Variants in MSH3 observed in about 807,000 individuals in gnomAD.
MSH3 encodes the protein DNA mismatch repair protein Msh3.
MSH3 carries 106 observed loss-of-function variants against 123.3 expected under a neutral mutation model. That is an observed-to-expected ratio of 0.86 (90% CI 0.73 to 1.01). The LOEUF is 1.01. Among genes scored for constraint, MSH3 ranks in the 50% least tolerant of loss-of-function variants. The pLI is 0.00. For synonymous variants in MSH3, 515 were observed against 481.4 expected (o/e 1.07, Z -0.91); for missense variants, 1,459 against 1,347.6 (o/e 1.08, Z -1.29).
At chr5:80,707,663 T>G (rs558316613) in intron 8 of MSH3, among the ~76,000 whole-genome samples, 1 of 152,248 alleles carries the variant, frequency 6.6e-6, no homozygotes, top group Admixed American at 6.5e-5. Context: ...GCCCCCGAGG[T>G]TGAGGCTTCA....
chr5:80,867,727 C>A (rs1746130505), intron 22 of MSH3, among the ~76,000 whole-genome samples: 1 of 152,074 alleles, frequency 6.6e-6, no homozygotes, highest in Non-Finnish European at 1.5e-5. Flanking sequence ...TATATGTTGT[C>A]TTTTGAAAAG....
intron 20 of MSH3, among the ~76,000 whole-genome samples, chr5:80,840,768 C>A (rs187874811): frequency 6.6e-6 from 1 of 152,062 alleles, no homozygotes; most frequent in South Asian, 2.1e-4. Context: ...TAACAGGCCC[C>A]GGTGTGTGAT....
rs1248185011 is a variant in MSH3 at position 80,695,075 on chromosome 5, G to A, written c.1340+15982G>A. 3.4e-5 allele frequency among the ~76,000 whole-genome samples: 4 copies of A among 118,740 alleles called. No individual in the cohort carries two copies. In the East Asian group the frequency reaches 1.1e-3, roughly 32 times the overall value. 77.9% of individuals were successfully genotyped at this position (118,740 alleles called of 152,430 possible). ...CAAGGTTTTTGTTGTTGGTGGTGGT[G>A]TTTTTTTTGTTGTTTTTTTTTTTTT... is the stretch of plus-strand genomic sequence containing the variant. On this transcript the variant is annotated intron_variant, in intron 8 of 23. Transcript: ENST00000265081.
At chr5:80,799,687 C>T (rs1278352195) in intron 19 of MSH3, among the ~76,000 whole-genome samples, 1 of 151,076 alleles carries the variant, frequency 6.6e-6, no homozygotes, top group Non-Finnish European at 1.5e-5. Context: ...CATGTCTTCT[C>T]CTATTTAGTA....
intron 22 of MSH3, among the ~76,000 whole-genome samples, chr5:80,872,773 C>T (rs999713592): frequency 6.6e-6 from 1 of 152,176 alleles, no homozygotes; most frequent in African/African-American, 2.4e-5. Flanking sequence ...TGCCACTGCA[C>T]TCCAGCCTAG....
intron 8 of MSH3, among the ~76,000 whole-genome samples, chr5:80,713,807 A>C (rs1172978235): frequency 6.6e-6 from 1 of 151,976 alleles, no homozygotes; most frequent in African/African-American, 2.4e-5. Context: ...TTAAGTCTGC[A>C]GTTTGCCTGT....
chr5:80,673,546 A>C (rs1187532862), intron 6 of MSH3, among the ~76,000 whole-genome samples: 1 of 152,170 alleles, frequency 6.6e-6, no homozygotes, highest in East Asian at 1.9e-4. Context: ...ACAAACAAAC[A>C]AACAAACCAA....
intron 20 of MSH3, among the ~76,000 whole-genome samples, chr5:80,827,138 C>A (rs1442739208): frequency 6.6e-6 from 1 of 152,132 alleles, no homozygotes; most frequent in Non-Finnish European, 1.5e-5. Context: ...TTTAGAAAAG[C>A]AATGAATTAT....
chr5:80,873,021 T>C (rs1746247899), intron 22 of MSH3, 95 bp from the exon 23 acceptor site: 2 of 1,110,864 alleles, frequency 1.8e-6, no homozygotes, highest in Non-Finnish European at 2.7e-6. Context: ...GATTGTACGA[T>C]TTAATAAAGT....
Position 80,675,423 on chromosome 5 carries a change from G to A in MSH3, c.1173+295G>A, listed in dbSNP as rs1338727148. Among the ~76,000 whole-genome samples the A allele has an allele frequency of 2.6e-5, 4 of 152,258 alleles. No homozygotes were observed. The East Asian group carries it at 5.8e-4, about 22-fold the overall frequency. ...CATGGTTCCACAGGCTGTACAGGAA[G>A]CATGGCTGAGGAGGCCTCAGGAAAC... On this transcript the variant is annotated intron_variant, in intron 7 of 23. Transcript: ENST00000265081.
chr5:80,655,111 C>A, intron 1 of MSH3, 147 bp downstream of exon 1: 2 of 532,060 alleles, frequency 3.8e-6, no homozygotes, highest in Non-Finnish European at 6.4e-6. Flanking sequence ...GGGAAGAGCC[C>A]AGCCGGGGCT....
chr5:80,764,079 T>C lies in MSH3; in HGVS notation c.1896+2401T>C, dbSNP rs961888141. Among the ~76,000 whole-genome samples, 5 of 152,236 alleles carry C rather than the reference T, an allele frequency of 3.3e-5. No individual in the cohort carries two copies. In the East Asian group the frequency reaches 9.6e-4, roughly 29 times the overall value. On this transcript the variant is annotated intron_variant, in intron 13 of 23. Coordinates refer to ENST00000265081, the MANE Select transcript of MSH3 (RefSeq NM_002439.5). Reference sequence around the variant, plus strand: ...TGCTTTAAACCAATGTTTTATAGATTAGTTGGCTGGCTCTGTGTACACACC... The same window carrying C: ...TGCTTTAAACCAATGTTTTATAGATCAGTTGGCTGGCTCTGTGTACACACC...
chr5:80,702,720 A>AC (rs386404261), intron 8 of MSH3, among the ~76,000 whole-genome samples: 2 of 151,820 alleles, frequency 1.3e-5, no homozygotes, highest in Non-Finnish European at 2.9e-5. Context: ...ATTTAAAAAA[A>AC]AAAATAGCTG....
intron 8 of MSH3, among the ~76,000 whole-genome samples, chr5:80,703,913 T>C (rs939602771): frequency 6.6e-6 from 1 of 152,024 alleles, no homozygotes; most frequent in Non-Finnish European, 1.5e-5. Context: ...GGGAATCTTT[T>C]ATAATGGGCC....
chr5:80,751,689 G>C (rs1232109975), intron 12 of MSH3, among the ~76,000 whole-genome samples: 1 of 151,912 alleles, frequency 6.6e-6, no homozygotes, highest in Admixed American at 6.6e-5. Context: ...TTGGATTAGG[G>C]GTCTACCCTT....
intron 8 of MSH3, among the ~76,000 whole-genome samples, chr5:80,692,602 A>ATATAGATGAATATATATAAACATGT (rs1750321219): frequency 2.0e-5 from 3 of 147,158 alleles, no homozygotes; most frequent in Non-Finnish European, 3.0e-5. Context: ...GTATATGTTT[A>ATATAGATGAATATATATAAACATGT]TATAGATGAA....
chr5:80,670,352 A>G lies in MSH3; in HGVS notation c.792+43A>G, dbSNP rs1394107709. The G allele has an allele frequency of 3.8e-6, 6 of 1,568,342 alleles. No individual in the cohort carries two copies. In the South Asian group the frequency reaches 6.7e-5, roughly 18 times the overall value. On this transcript the variant is annotated intron_variant, in intron 4 of 23. Coordinates refer to ENST00000265081, the MANE Select transcript of MSH3 (RefSeq NM_002439.5). ...GCACTATTTTATATTTTTCTTGTCTAGCCTTAGATATTTTTCAGTATTTTT... is the reference window on the plus strand; with the variant it reads ...GCACTATTTTATATTTTTCTTGTCTGGCCTTAGATATTTTTCAGTATTTTT...
rs1435558278 is a variant in MSH3, at chr5:80,654,925, C to T, written c.198C>T (p.Pro66=). The T allele has an allele frequency of 3.7e-5, 30 of 818,504 alleles. No homozygotes were observed. Among genetic ancestry groups the T allele is most frequent in the Non-Finnish European group, 4.6e-5 (28 of 603,020 alleles). 50.7% of individuals were successfully genotyped at this position (818,504 alleles called of 1,614,324 possible). The change falls in exon 1 of 24, where the codon CCC becomes CCT. Residue 66 remains proline, a synonymous_variant. Transcript: ENST00000265081. ...CAGCGGCCGCAGCGCCCCCAGCGCC[C>T]CCAGCTCCCGCCTTCCCGCCCCAGC... ...AAAAAAAPPA[P]PAPAFPPQLP...
At position 80,827,235 on chromosome 5, in the gene MSH3, T is replaced by G. The variant is rs1235480672; in HGVS notation, c.2813+13494T>G. 2.0e-5 allele frequency among the ~76,000 whole-genome samples: 3 copies of G among 152,362 alleles called. No individual in the cohort carries two copies. In the East Asian group the frequency reaches 5.8e-4, roughly 29 times the overall value. On this transcript the variant is annotated intron_variant, in intron 20 of 23. Coordinates refer to ENST00000265081, the MANE Select transcript of MSH3 (RefSeq NM_002439.5). ...TTTATTTCTATTAAACGTTGGTGATTAAGCGTTGATGAAAAGAGATATTTA... is the reference window on the plus strand; with the variant it reads ...TTTATTTCTATTAAACGTTGGTGATGAAGCGTTGATGAAAAGAGATATTTA...
Sources: gnomAD v4.1 joint callset for allele counts (sites outside exome capture counted in the v4.1 genomes callset) on GRCh38, gnomAD v4.1.1 for gene constraint, MANE v1.5 for transcripts, NCBI Gene and HGNC (gene_info 2026-07-23, HGNC 2026-07-21) for gene names.